CCDC85A: variants seen among roughly 807,000 people sequenced by gnomAD.
CCDC85A encodes the protein coiled-coil domain-containing protein 85A.
Under a neutral mutation model 50.2 loss-of-function variants are expected in CCDC85A, and 38 were observed. That is an observed-to-expected ratio of 0.76 (90% confidence interval 0.58 to 0.99). The LOEUF (loss-of-function observed/expected upper bound fraction) is 0.99, where lower values mean the gene tolerates loss of function less well. Among genes scored for constraint, CCDC85A ranks in the 50% least tolerant of loss-of-function variants. The probability of loss-of-function intolerance (pLI) is 0.00; values close to 1 mark genes in which losing one functional copy is unlikely to be tolerated. For missense variants in CCDC85A, 820 were observed against 742.0 expected, an observed-to-expected ratio of 1.11 and a Z score of -1.22; for synonymous variants, 366 against 301.4, an observed-to-expected ratio of 1.21 and a Z score of -2.22.
chr2:56,351,413 T>C (rs1418282265), intron 3 of CCDC85A, among the ~76,000 whole-genome samples: 2 of 146,904 alleles, frequency 1.4e-5, no homozygotes, highest in Non-Finnish European at 3.0e-5. Flanking sequence ...TCTAGATCCC[T>C]GAGGAATCGC....
chr2:56,306,874 T>C (rs922656942), intron 2 of CCDC85A, among the ~76,000 whole-genome samples: 3 of 152,276 alleles, frequency 2.0e-5, no homozygotes, highest in African/African-American at 7.2e-5. Context: ...GAGGTTATTG[T>C]CTGATATGAG....
chr2:56,240,896 G>A, intron 2 of CCDC85A, among the ~76,000 whole-genome samples: 1 of 152,056 alleles, frequency 6.6e-6, no homozygotes, highest in Non-Finnish European at 1.5e-5. Flanking sequence ...TCCTGGGAGT[G>A]GAATTGCTGC....
intron 2 of CCDC85A, among the ~76,000 whole-genome samples, chr2:56,244,363 A>T (rs1056411344): frequency 6.6e-6 from 1 of 151,968 alleles, no homozygotes; most frequent in African/African-American, 2.4e-5. Flanking sequence ...GGCCCGTGGG[A>T]AGTACTGCCA....
intron 5 of CCDC85A, among the ~76,000 whole-genome samples, chr2:56,378,124 A>G (rs115110136): frequency 1.6e-3 from 247 of 152,324 alleles, no homozygotes; most frequent in African/African-American, 5.9e-3. Flanking sequence ...AGATTTCATT[A>G]TAAGAAAAAG....
At chr2:56,245,463 C>G (rs1390047145) in intron 2 of CCDC85A, among the ~76,000 whole-genome samples, 1 of 152,234 alleles carries the variant, frequency 6.6e-6, no homozygotes, top group East Asian at 1.9e-4. Flanking sequence ...GACTATCTTT[C>G]CTATCTTCTT....
intron 2 of CCDC85A, among the ~76,000 whole-genome samples, chr2:56,220,496 G>A (rs1668278670): frequency 6.6e-6 from 1 of 152,152 alleles, no homozygotes; most frequent in East Asian, 1.9e-4. Context: ...TCTGAAGAAA[G>A]ACAATTGTAC....
intron 2 of CCDC85A, among the ~76,000 whole-genome samples, chr2:56,334,879 G>T (rs1300360733): frequency 6.6e-6 from 1 of 152,174 alleles, no homozygotes; most frequent in Non-Finnish European, 1.5e-5. Flanking sequence ...TTCTGCATGG[G>T]AGGAGGGGAA....
At chr2:56,264,403 C>T (rs547583522) in intron 2 of CCDC85A, among the ~76,000 whole-genome samples, 1 of 152,294 alleles carries the variant, frequency 6.6e-6, no homozygotes, top group Admixed American at 6.5e-5. Context: ...TTTTCTACTT[C>T]TAAGACCAGG....
intron 2 of CCDC85A, among the ~76,000 whole-genome samples, chr2:56,266,918 G>C (rs559499727): frequency 2.0e-4 from 31 of 152,090 alleles, no homozygotes; most frequent in African/African-American, 7.5e-4. Flanking sequence ...GAGTGGTGTG[G>C]TTTGTTTTGG....
chr2:56,355,600 A>C (rs1043785148), intron 3 of CCDC85A, among the ~76,000 whole-genome samples: 1 of 152,198 alleles, frequency 6.6e-6, no homozygotes, highest in Non-Finnish European at 1.5e-5. Flanking sequence ...GCAACCTTTG[A>C]ATTATTGTTC....
rs116005001 is a variant in CCDC85A, at chr2:56,352,375, G to A, written c.1317+9420G>A. 2.0e-3 allele frequency among the ~76,000 whole-genome samples: 307 copies of A among 152,112 alleles called. 3 individuals are homozygous for A. The highest frequency in any genetic ancestry group is 6.6e-3 in the African/African-American group (273 of 41,474). On this transcript the variant is annotated intron_variant, in intron 3 of 5. Transcript: ENST00000407595. The stretch of plus-strand genomic sequence containing the variant: ...TCTTTCTTTTTCTTTTTTCGAGACA[G>A]GCACTCGCTCTACAGGCTGGAGTGT...
intron 3 of CCDC85A, among the ~76,000 whole-genome samples, chr2:56,370,910 T>C (rs1451770681): frequency 2.6e-5 from 4 of 152,110 alleles, no homozygotes; most frequent in African/African-American, 9.7e-5. Context: ...AGATACTAGA[T>C]CTCCTTATTT....
intron 2 of CCDC85A, among the ~76,000 whole-genome samples, chr2:56,195,669 A>G (rs1472399752): frequency 2.6e-5 from 4 of 152,196 alleles, no homozygotes; most frequent in African/African-American, 2.4e-5. Context: ...ATATTTTTAA[A>G]TCCTCACACA....
intron 2 of CCDC85A, among the ~76,000 whole-genome samples, chr2:56,199,939 G>A (rs1676664940): frequency 6.6e-6 from 1 of 152,146 alleles, no homozygotes; most frequent in Non-Finnish European, 1.5e-5. Context: ...CGCAGTCTTG[G>A]CTCACTGCAA....
At chr2:56,224,894 G>A (rs1366413332) in intron 2 of CCDC85A, among the ~76,000 whole-genome samples, 2 of 152,038 alleles carry the variant, frequency 1.3e-5, no homozygotes, top group African/African-American at 4.8e-5. Flanking sequence ...TCTGTGGGTT[G>A]TGTTTTCATT....
chr2:56,250,409 T>C (rs531207084), intron 2 of CCDC85A, among the ~76,000 whole-genome samples: 1 of 152,294 alleles, frequency 6.6e-6, no homozygotes, highest in South Asian at 2.1e-4. Flanking sequence ...AAGTAAACTG[T>C]CTGCTTGAAC....
At chr2:56,231,949 A>G (rs1280603147) in intron 2 of CCDC85A, among the ~76,000 whole-genome samples, 1 of 151,512 alleles carries the variant, frequency 6.6e-6, no homozygotes, top group Non-Finnish European at 1.5e-5. Flanking sequence ...TCCCTGTAAC[A>G]CTTCATCTCT....
intron 2 of CCDC85A, among the ~76,000 whole-genome samples, chr2:56,216,705 T>G (rs1677408078): frequency 6.6e-6 from 1 of 151,484 alleles, no homozygotes; most frequent in Admixed American, 6.6e-5. Flanking sequence ...TCTATTTTAT[T>G]TTTTATTTGA....
At chr2:56,196,733 C>G (rs1238178030) in intron 2 of CCDC85A, among the ~76,000 whole-genome samples, 1 of 152,128 alleles carries the variant, frequency 6.6e-6, no homozygotes, top group Non-Finnish European at 1.5e-5. Flanking sequence ...ACAAGTAGCT[C>G]ACCCACTGGA....
Sources: gnomAD v4.1 joint callset for allele counts (sites outside exome capture counted in the v4.1 genomes callset) on GRCh38, gnomAD v4.1.1 for gene constraint, MANE v1.5 for transcripts, NCBI Gene and HGNC (gene_info 2026-07-23, HGNC 2026-07-21) for gene names.